ARK2N: variants seen among roughly 807,000 people sequenced by gnomAD.
The protein encoded by ARK2N is protein ARK2N.
the ARK2N span, among the ~76,000 whole-genome samples, chr18:46,210,415 T>C: frequency 6.6e-6 from 1 of 152,148 alleles, no homozygotes; most frequent in African/African-American, 2.4e-5. Context: ...TTTACTGAGC[T>C]AGAGAAAGCC....
the ARK2N span, among the ~76,000 whole-genome samples, chr18:46,209,426 A>G: frequency 1.3e-5 from 2 of 151,796 alleles, no homozygotes; most frequent in East Asian, 1.9e-4. Flanking sequence ...AGCCTCATTC[A>G]GCTTTATACT....
At chr18:46,239,576 A>C in the ARK2N span, among the ~76,000 whole-genome samples, 1 of 152,318 alleles carries the variant, frequency 6.6e-6, no homozygotes, top group South Asian at 2.1e-4. Flanking sequence ...GAGACTTTTT[A>C]TATTACCCAG....
chr18:46,187,951 C>G, the ARK2N span, among the ~76,000 whole-genome samples: 1 of 152,184 alleles, frequency 6.6e-6, no homozygotes, highest in Non-Finnish European at 1.5e-5. Flanking sequence ...CGCTAAGTAA[C>G]TCCCTTGCTT....
chr18:46,231,059 T>C, the ARK2N span, among the ~76,000 whole-genome samples: 2 of 152,218 alleles, frequency 1.3e-5, no homozygotes, highest in Non-Finnish European at 2.9e-5. Context: ...ATAACTCTCT[T>C]AATCATATTG....
chr18:46,266,963 A>G, the ARK2N span: 1 of 152,072 alleles, frequency 6.6e-6, no homozygotes, highest in African/African-American at 2.4e-5. Flanking sequence ...ATTTTAAGAC[A>G]AAATAAAATA....
At chr18:46,204,278 A>G in the ARK2N span, among the ~76,000 whole-genome samples, 1 of 152,186 alleles carries the variant, frequency 6.6e-6, no homozygotes, top group Non-Finnish European at 1.5e-5. Flanking sequence ...AAGCTAAATT[A>G]GATAAATAGC....
chr18:46,240,897 C>G, the ARK2N span, among the ~76,000 whole-genome samples: 1 of 152,090 alleles, frequency 6.6e-6, no homozygotes, highest in Admixed American at 6.6e-5. Context: ...TAATTTAAAC[C>G]TTGTTTTGTT....
the ARK2N span, chr18:46,263,269 C>CT: frequency 2.9e-6 from 2 of 682,084 alleles, no homozygotes; most frequent in African/African-American, 1.8e-5. Context: ...CTCTTCCCCC[C>CT]TTTTTTTAAT....
chr18:46,245,055 C>T, the ARK2N span, among the ~76,000 whole-genome samples: 1 of 151,836 alleles, frequency 6.6e-6, no homozygotes, highest in African/African-American at 2.4e-5. Context: ...TCAGCCTATC[C>T]AGTAGCTGGG....
chr18:46,199,482 A>ATTTTT, the ARK2N span, among the ~76,000 whole-genome samples: 2 of 82,410 alleles, frequency 2.4e-5, no homozygotes, highest in Admixed American at 1.4e-4. Context: ...CACCCAGCTC[A>ATTTTT]TTTTTTTTTT....
chr18:46,263,165 A>C, the ARK2N span: 225 of 1,497,924 alleles, frequency 1.5e-4, no homozygotes, highest in Non-Finnish European at 1.9e-4. Context: ...CCACTTCCTC[A>C]TCCTCTTTGT....
chr18:46,188,384 A>G, the ARK2N span, among the ~76,000 whole-genome samples: 5 of 152,186 alleles, frequency 3.3e-5, no homozygotes, highest in South Asian at 2.1e-4. Context: ...TTTTTTTAGT[A>G]GAGATGGGGT....
the ARK2N span, among the ~76,000 whole-genome samples, chr18:46,195,620 AG>A: frequency 1.6e-5 from 2 of 127,474 alleles, no homozygotes; most frequent in East Asian, 4.7e-4. Flanking sequence ...TCTGTCACCC[AG>A]GCTGGAGTGC....
At chr18:46,250,763 G>C in the ARK2N span, among the ~76,000 whole-genome samples, 4 of 152,100 alleles carry the variant, frequency 2.6e-5, no homozygotes, top group Non-Finnish European at 5.9e-5. Context: ...AGCTTACCAT[G>C]ATCTGACCTG....
the ARK2N span, among the ~76,000 whole-genome samples, chr18:46,206,100 T>C: frequency 6.6e-6 from 1 of 151,158 alleles, no homozygotes; most frequent in South Asian, 2.1e-4. Context: ...AACTTTTTTT[T>C]TTCTTTTTTT....
chr18:46,180,592 G>C, the ARK2N span, among the ~76,000 whole-genome samples: 1 of 152,168 alleles, frequency 6.6e-6, no homozygotes, highest in Non-Finnish European at 1.5e-5. Flanking sequence ...TGTAATCCCA[G>C]CTACCCAGGA....
At chr18:46,221,391 C>CA in the ARK2N span, among the ~76,000 whole-genome samples, 1,430 of 118,286 alleles carry the variant, frequency 0.012, 12 homozygotes, top group African/African-American at 0.029. Context: ...ACTAAAAATA[C>CA]AAAAAAAAAA....
At chr18:46,206,275 G>A in the ARK2N span, among the ~76,000 whole-genome samples, 1 of 150,946 alleles carries the variant, frequency 6.6e-6, no homozygotes, top group Non-Finnish European at 1.5e-5. Flanking sequence ...TTGTAGATAT[G>A]GAGTCTCACT....
chr18:46,255,608 C>T, the ARK2N span, among the ~76,000 whole-genome samples: 1,560 of 151,766 alleles, frequency 0.01, 34 homozygotes, highest in African/African-American at 0.036. Context: ...TGCGCCACCA[C>T]GCTCCGCTAA....
Sources: gnomAD v4.1 joint callset for allele counts (sites outside exome capture counted in the v4.1 genomes callset) on GRCh38, gnomAD v4.1.1 for gene constraint, MANE v1.5 for transcripts, NCBI Gene and HGNC (gene_info 2026-07-23, HGNC 2026-07-21) for gene names.